Variants in ARHGEF26 observed in about 807,000 individuals in gnomAD.
The protein encoded by ARHGEF26 is Rho guanine nucleotide exchange factor 26.
ARHGEF26 carries 59 observed loss-of-function variants against 89.4 expected under a neutral mutation model. That is an observed-to-expected ratio of 0.66 (90% CI 0.54 to 0.82). ARHGEF26 has a LOEUF of 0.82. Ranked by LOEUF, ARHGEF26 falls within the 40% of genes least tolerant of loss-of-function variation. ARHGEF26 has a pLI of 0.00. For missense variants in ARHGEF26, 1,234 were observed against 1,085.6 expected (o/e 1.14, Z -1.92); for synonymous variants, 500 against 428.4 (o/e 1.17, Z -2.06).
Position 154,144,037 on chromosome 3 carries a change from C to A in ARHGEF26, c.1270-5352C>A, listed in dbSNP as rs117182252. 1.2e-3 allele frequency among the ~76,000 whole-genome samples: 185 copies of A among 152,270 alleles called. No individual in the cohort carries two copies. The East Asian group carries it at 0.03, about 24-fold the overall frequency. Reference sequence around the variant, plus strand: ...TGGTGGTAGAAATGTCAGGATTGATCAACAAGTTAAATGACCAGGGAGCCC... The same window carrying A: ...TGGTGGTAGAAATGTCAGGATTGATAAACAAGTTAAATGACCAGGGAGCCC... On this transcript the variant is annotated intron_variant, in intron 4 of 14. Coordinates refer to ENST00000465093, the MANE Select transcript of ARHGEF26 (RefSeq NM_015595.4).
In ARHGEF26 at chr3:154,121,900, G is replaced by A. The variant is rs1318399872; in HGVS notation, c.-51-42G>A. Reference sequence around the variant, plus strand: ...GCACGCGAGTCGGCCAGGCGTCCCCGGTTGTCCAGAGGCACAGTTTCCTAA... The same window carrying A: ...GCACGCGAGTCGGCCAGGCGTCCCCAGTTGTCCAGAGGCACAGTTTCCTAA... On this transcript the variant is annotated intron_variant, in intron 1 of 14. Coordinates refer to ENST00000465093, the MANE Select transcript of ARHGEF26 (RefSeq NM_015595.4). The A allele has an allele frequency of 2.2e-5, 33 of 1,480,380 alleles. No individual in the cohort carries two copies. The East Asian group carries it at 7.5e-4, about 34-fold the overall frequency. The allele number at this position is 1,480,380 out of a possible 1,614,324, so 91.7% of individuals were successfully genotyped here. A position where few individuals can be genotyped will look rare whatever the true frequency, so the allele number is the denominator to read the frequency against.
At chr3:154,226,064 A>G (rs1716465758) in intron 11 of ARHGEF26, 54 bp downstream of exon 11, 7 of 1,509,166 alleles carry the variant, frequency 4.6e-6, no homozygotes, top group Non-Finnish European at 3.6e-6. Context: ...AAGTTCTGTA[A>G]TTCAGATGCC....
At chr3:154,246,865 TTGGCGTGAGCTGC>T (rs926240549) in intron 12 of ARHGEF26, among the ~76,000 whole-genome samples, 45 of 152,286 alleles carry the variant, frequency 3.0e-4, no homozygotes, top group East Asian at 1.4e-3. Flanking sequence ...ATTTAGATTT[TTGGCGTGAGCTGC>T]TGGCGTGAGC....
chr3:154,123,354 T>G (rs1052480559), intron 2 of ARHGEF26, among the ~76,000 whole-genome samples: 37 of 152,124 alleles, frequency 2.4e-4, no homozygotes, highest in African/African-American at 8.2e-4. Context: ...TGGCAGATTA[T>G]TGGCTGAGTG....
chr3:154,172,680 C>G (rs1444421255), intron 6 of ARHGEF26, among the ~76,000 whole-genome samples: 1 of 152,074 alleles, frequency 6.6e-6, no homozygotes, highest in Non-Finnish European at 1.5e-5. Context: ...GGCAACAGAG[C>G]AAGACTCTGT....
At chr3:154,130,663 A>G (rs1394712776) in intron 4 of ARHGEF26, among the ~76,000 whole-genome samples, 1 of 152,004 alleles carries the variant, frequency 6.6e-6, no homozygotes, top group Admixed American at 6.6e-5. Context: ...TGCTTAGTTT[A>G]CTTGATAAGA....
intron 3 of ARHGEF26, among the ~76,000 whole-genome samples, chr3:154,128,469 C>CCTCAAGTG (rs1718469480): frequency 6.6e-6 from 1 of 152,124 alleles, no homozygotes; most frequent in South Asian, 2.1e-4. Flanking sequence ...GAACTCCTGA[C>CCTCAAGTG]CTCAAGTGAT....
chr3:154,202,014 T>A (rs1483912030), intron 9 of ARHGEF26, among the ~76,000 whole-genome samples: 2 of 152,176 alleles, frequency 1.3e-5, no homozygotes, highest in African/African-American at 2.4e-5. Flanking sequence ...TTTAATTAGA[T>A]CCCATTTGTC....
At chr3:154,251,820 A>C (rs1022101285) in intron 12 of ARHGEF26, among the ~76,000 whole-genome samples, 2 of 152,374 alleles carry the variant, frequency 1.3e-5, no homozygotes, top group Middle Eastern at 3.4e-3. Flanking sequence ...AAACAAGAGC[A>C]GTCACCTTTG....
At chr3:154,225,298 G>C (rs924910080) in intron 10 of ARHGEF26, among the ~76,000 whole-genome samples, 1 of 152,124 alleles carries the variant, frequency 6.6e-6, no homozygotes, top group Non-Finnish European at 1.5e-5. Flanking sequence ...ATGATCTTAA[G>C]AACAGGTGTT....
At chr3:154,145,069 C>A (rs1719617820) in intron 4 of ARHGEF26, among the ~76,000 whole-genome samples, 1 of 152,146 alleles carries the variant, frequency 6.6e-6, no homozygotes, top group South Asian at 2.1e-4. Context: ...TGTTCTGTGG[C>A]AGCTCCTAGC....
intron 9 of ARHGEF26, among the ~76,000 whole-genome samples, chr3:154,197,112 T>G (rs1476346097): frequency 2.6e-5 from 4 of 152,154 alleles, no homozygotes; most frequent in African/African-American, 9.6e-5. Context: ...ACCTTGATAC[T>G]ATAAGTATAC....
chr3:154,253,014 C>A, intron 12 of ARHGEF26, 102 bp from the exon 13 acceptor site: 1 of 1,295,154 alleles, frequency 7.7e-7, no homozygotes, highest in Non-Finnish European at 1.1e-6. Flanking sequence ...TCTAGAGAAT[C>A]TCTTGTTTTC....
At chr3:154,132,563 G>T (rs1338296056) in intron 4 of ARHGEF26, among the ~76,000 whole-genome samples, 1 of 152,122 alleles carries the variant, frequency 6.6e-6, no homozygotes, top group South Asian at 2.1e-4. Flanking sequence ...ACCCTAACGA[G>T]CGGAGGCTTC....
chr3:154,124,310 A>G, intron 2 of ARHGEF26, 100 bp from the exon 3 acceptor site: 2 of 819,738 alleles, frequency 2.4e-6, no homozygotes, highest in Non-Finnish European at 3.7e-6. Flanking sequence ...ACTAAAAAAA[A>G]GTATTTTTAC....
chr3:154,196,800 G>A (rs1416910009), intron 9 of ARHGEF26, among the ~76,000 whole-genome samples: 1 of 151,742 alleles, frequency 6.6e-6, no homozygotes, highest in East Asian at 1.9e-4. Context: ...ACGGGGGAAG[G>A]TTTTTAGGAG....
At chr3:154,222,303 T>C (rs1716182116) in intron 10 of ARHGEF26, among the ~76,000 whole-genome samples, 1 of 152,236 alleles carries the variant, frequency 6.6e-6, no homozygotes, top group Non-Finnish European at 1.5e-5. Flanking sequence ...TATGATTTTC[T>C]GGAAGACTGT....
chr3:154,135,408 G>T (rs2108059018), intron 4 of ARHGEF26, among the ~76,000 whole-genome samples: 1 of 152,216 alleles, frequency 6.6e-6, no homozygotes, highest in Middle Eastern at 3.4e-3. Flanking sequence ...TATTTCTGTG[G>T]GGTCAGTGGT....
intron 6 of ARHGEF26, among the ~76,000 whole-genome samples, chr3:154,186,136 G>GACACACACACAC (rs60675240): frequency 0.052 from 7,669 of 146,950 alleles, 230 homozygotes; most frequent in East Asian, 0.086. Context: ...CACACACTTA[G>GACACACACACAC]ACACACACAC....
Sources: allele counts gnomAD v4.1 joint callset (sites outside exome capture counted in the v4.1 genomes callset), GRCh38; gene constraint gnomAD v4.1.1; transcripts MANE v1.5; gene names NCBI Gene and HGNC (gene_info 2026-07-23, HGNC 2026-07-21).